ADAM10: variants seen among roughly 807,000 people sequenced by gnomAD.
ADAM10 encodes disintegrin and metalloproteinase domain-containing protein 10.
A neutral mutation model predicts 90.1 loss-of-function variants in ADAM10; 17 were observed. That is an observed-to-expected ratio of 0.19 (90% CI 0.13 to 0.28). The LOEUF (loss-of-function observed/expected upper bound fraction) is 0.28. Among genes scored for constraint, ADAM10 ranks in the 10% least tolerant of loss-of-function variants. ADAM10 has a pLI of 1.00. For synonymous variants in ADAM10, 310 were observed against 298.6 expected (o/e 1.04, Z -0.40); for missense variants, 610 against 914.3 (o/e 0.67, Z 4.29).
chr15:58,690,573 G>T (rs1162784498), intron 2 of ADAM10, among the ~76,000 whole-genome samples: 10 of 152,102 alleles, frequency 6.6e-5, no homozygotes, highest in African/African-American at 2.4e-4. Context: ...AGTAGAGAGG[G>T]AATGGGGCTT....
At chr15:58,654,495 C>T (rs1321452933) in intron 5 of ADAM10, among the ~76,000 whole-genome samples, 1 of 152,184 alleles carries the variant, frequency 6.6e-6, no homozygotes, top group Non-Finnish European at 1.5e-5. Flanking sequence ...CCTCCTGCCT[C>T]AGCCTCCCAA....
intron 11 of ADAM10, among the ~76,000 whole-genome samples, chr15:58,618,214 A>G (rs1040684592): frequency 2.1e-5 from 3 of 144,870 alleles, no homozygotes; most frequent in Non-Finnish European, 4.4e-5. Context: ...TTCAGAAATA[A>G]ATCTATATAT....
chr15:58,626,144 G>T (rs1200852555), intron 10 of ADAM10, among the ~76,000 whole-genome samples: 1 of 147,926 alleles, frequency 6.8e-6, no homozygotes, highest in Admixed American at 6.6e-5. Context: ...AAAGAGAAAT[G>T]AGAACAAAAA....
intron 5 of ADAM10, among the ~76,000 whole-genome samples, chr15:58,662,766 C>T (rs929789205): frequency 1.3e-5 from 2 of 152,178 alleles, no homozygotes; most frequent in East Asian, 3.8e-4. Flanking sequence ...TCAGCTAAGA[C>T]TCAAGGAAAG....
rs7162429 is a variant in ADAM10, at chr15:58,749,425, C to G, written c.55+55G>C. On this transcript the variant is annotated intron_variant, in intron 1 of 15. Transcript: ENST00000260408. ...AGGCGCGACTGGGCTCCGCTCGGCC[C>G]GGCCGCCGCTCCGCCGTGGTCGCGG... 1,113 of 1,493,400 alleles carry G rather than the reference C, an allele frequency of 7.5e-4. 12 individuals are homozygous for G. The African/African-American group carries it at 0.015, about 20-fold the overall frequency. The allele number at this position is 1,493,400 out of a possible 1,614,324, so 92.5% of individuals were successfully genotyped here.
intron 4 of ADAM10, among the ~76,000 whole-genome samples, chr15:58,674,550 G>C (rs1345615891): frequency 6.6e-6 from 1 of 152,192 alleles, no homozygotes; most frequent in Non-Finnish European, 1.5e-5. Flanking sequence ...AACAATGCTA[G>C]CTATTATCAA....
intron 5 of ADAM10, among the ~76,000 whole-genome samples, chr15:58,650,196 G>C (rs1259529936): frequency 2.0e-5 from 3 of 152,072 alleles, no homozygotes; most frequent in Non-Finnish European, 4.4e-5. Flanking sequence ...TTTGTCAGTT[G>C]ACTCTCTTGT....
chr15:58,600,475 T>C (rs1179313969), intron 14 of ADAM10, among the ~76,000 whole-genome samples: 1 of 152,150 alleles, frequency 6.6e-6, no homozygotes, highest in African/African-American at 2.4e-5. Flanking sequence ...TTTATATACA[T>C]TAGTTTTCAT....
chr15:58,654,749 C>T (rs1896768487), intron 5 of ADAM10, among the ~76,000 whole-genome samples: 2 of 152,132 alleles, frequency 1.3e-5, no homozygotes, highest in African/African-American at 4.8e-5. Flanking sequence ...TTTCACTCAC[C>T]TATCGGTCAT....
chr15:58,707,087 G>GT (rs1470859438), intron 2 of ADAM10, among the ~76,000 whole-genome samples: 3 of 51,362 alleles, frequency 5.8e-5, no homozygotes, highest in Admixed American at 4.0e-4. Flanking sequence ...ACTTTGGGGG[G>GT]GGGAAAAAAG....
At chr15:58,707,923 G>A (rs1470089500) in intron 2 of ADAM10, among the ~76,000 whole-genome samples, 3 of 151,446 alleles carry the variant, frequency 2.0e-5, no homozygotes, top group Non-Finnish European at 2.9e-5. Context: ...CTAAAAATAT[G>A]GAAATTAGCC....
intron 2 of ADAM10, among the ~76,000 whole-genome samples, chr15:58,709,890 A>G (rs773829223): frequency 6.6e-6 from 1 of 152,180 alleles, no homozygotes. Context: ...ACCCTTTTCA[A>G]AGGAGGAGGG....
intron 1 of ADAM10, among the ~76,000 whole-genome samples, chr15:58,736,188 T>C (rs1899425013): frequency 1.3e-5 from 2 of 152,218 alleles, no homozygotes. Context: ...ACCTCAAGGC[T>C]ATGTTATTGT....
At chr15:58,730,865 A>G (rs1239770587) in intron 1 of ADAM10, among the ~76,000 whole-genome samples, 1 of 152,208 alleles carries the variant, frequency 6.6e-6, no homozygotes, top group African/African-American at 2.4e-5. Flanking sequence ...TCCCCTCGGG[A>G]CATCAGGACT....
rs552375177 is a variant in ADAM10 at position 58,615,040 on chromosome 15, C to T, written c.1512-3049G>A. Among the ~76,000 whole-genome samples the T allele has an allele frequency of 2.2e-4, 34 of 152,138 alleles. No individual in the cohort carries two copies. The East Asian group carries it at 5.0e-3, about 22-fold the overall frequency. ...CTGTAATCCCAGCACTTTGGGAGGC[C>T]GAGGCAGGCAGATCACGAGGTCAGG... On this transcript the variant is annotated intron_variant, in intron 11 of 15. Coordinates refer to ENST00000260408, the MANE Select transcript of ADAM10 (RefSeq NM_001110.4).
intron 4 of ADAM10, among the ~76,000 whole-genome samples, chr15:58,674,070 AT>A (rs1189488117): frequency 1.3e-5 from 2 of 151,924 alleles, no homozygotes; most frequent in Non-Finnish European, 2.9e-5. Context: ...TAACTTTCCA[AT>A]TTAGTATCCT....
At chr15:58,658,726 T>C (rs1397253043) in intron 5 of ADAM10, among the ~76,000 whole-genome samples, 1 of 152,246 alleles carries the variant, frequency 6.6e-6, no homozygotes, top group Admixed American at 6.5e-5. Flanking sequence ...AAATTTATTC[T>C]ACATATTTTA....
intron 6 of ADAM10, 100 bp from the exon 7 acceptor site, chr15:58,644,078 C>CA (rs1896486067): frequency 2.3e-6 from 2 of 864,064 alleles, no homozygotes; most frequent in South Asian, 1.4e-5. Context: ...TGTCCTGCCA[C>CA]ATTCAAATTT....
At chr15:58,712,047 T>C (rs534303506) in intron 2 of ADAM10, among the ~76,000 whole-genome samples, 17 of 152,264 alleles carry the variant, frequency 1.1e-4, no homozygotes, top group African/African-American at 3.9e-4. Context: ...AAGCGATCAA[T>C]CTTGCAATGA....
Sources: gnomAD v4.1 joint callset for allele counts (sites outside exome capture counted in the v4.1 genomes callset) on GRCh38, gnomAD v4.1.1 for gene constraint, MANE v1.5 for transcripts, NCBI Gene and HGNC (gene_info 2026-07-23, HGNC 2026-07-21) for gene names.